The following FRMPD2 variants were observed in gnomAD, a reference collection of about 807,000 sequenced individuals.
FRMPD2 encodes the protein FERM and PDZ domain containing 2, also known as FERM and PDZ domain-containing protein 2.
FRMPD2 carries 96 observed loss-of-function variants against 140.1 expected under a neutral mutation model. The observed-to-expected ratio is 0.69, with a 90% CI of 0.58 to 0.81. FRMPD2 has a LOEUF of 0.81. FRMPD2 is among the 40% of genes least tolerant of loss of function. The probability of loss-of-function intolerance (pLI) is 0.00; values close to 1 mark genes in which losing one functional copy is unlikely to be tolerated. For synonymous variants in FRMPD2, 449 were observed against 547.6 expected (o/e 0.82, Z 2.52); for missense variants, 1,240 against 1,447.4 (o/e 0.86, Z 2.32).
chr10:48,265,409 T>A (rs1840661905), intron 1 of FRMPD2, among the ~76,000 whole-genome samples: 1 of 152,150 alleles, frequency 6.6e-6, no homozygotes, highest in African/African-American at 2.4e-5. Flanking sequence ...CAAAATAAAC[T>A]ATTAGTACAG....
At chr10:48,162,948 T>C (rs1194373931) in intron 28 of FRMPD2, among the ~76,000 whole-genome samples, 1 of 147,428 alleles carries the variant, frequency 6.8e-6, no homozygotes, top group Non-Finnish European at 1.5e-5. Flanking sequence ...AAAGCTGATG[T>C]TGATAATAAA....
intron 12 of FRMPD2, among the ~76,000 whole-genome samples, chr10:48,214,955 A>G (rs1169482395): frequency 1.3e-5 from 2 of 152,250 alleles, no homozygotes; most frequent in East Asian, 1.9e-4. Flanking sequence ...GAAGTTCACA[A>G]CTGTGTAAAA....
chr10:48,191,188 C>T (rs1438937750), intron 16 of FRMPD2, among the ~76,000 whole-genome samples: 2 of 152,124 alleles, frequency 1.3e-5, no homozygotes, highest in Admixed American at 1.3e-4. Context: ...GCTGGAGACC[C>T]CACATGAAGA....
At chr10:48,252,674 C>T (rs1840411985) in intron 1 of FRMPD2, among the ~76,000 whole-genome samples, 1 of 152,156 alleles carries the variant, frequency 6.6e-6, no homozygotes, top group Non-Finnish European at 1.5e-5. Flanking sequence ...CTACCTCTCC[C>T]TGGGGCAGAA....
intron 20 of FRMPD2, among the ~76,000 whole-genome samples, chr10:48,183,499 T>C (rs907261893): frequency 9.2e-5 from 14 of 152,130 alleles, no homozygotes; most frequent in Non-Finnish European, 5.9e-5. Flanking sequence ...CTTTACTCTT[T>C]AGGTTGATCA....
chr10:48,190,399 C>T (rs997252677), intron 16 of FRMPD2, among the ~76,000 whole-genome samples: 17 of 152,184 alleles, frequency 1.1e-4, no homozygotes, highest in Non-Finnish European at 1.5e-5. Context: ...TGGTGTTTGC[C>T]TCCTGTCCTG....
At chr10:48,218,224 C>G (rs2131895213) in intron 12 of FRMPD2, among the ~76,000 whole-genome samples, 1 of 152,268 alleles carries the variant, frequency 6.6e-6, no homozygotes, top group Non-Finnish European at 1.5e-5. Context: ...AAATTAATCA[C>G]CTTTTTAAAG....
intron 14 of FRMPD2, among the ~76,000 whole-genome samples, chr10:48,205,578 A>C (rs1020887255): frequency 6.6e-6 from 1 of 152,236 alleles, no homozygotes; most frequent in Non-Finnish European, 1.5e-5. Context: ...CATTAAACAA[A>C]GTTCTTCATA....
intron 3 of FRMPD2, 110 bp downstream of exon 3, chr10:48,248,911 T>C (rs1840313705): frequency 5.3e-6 from 5 of 937,832 alleles, no homozygotes; most frequent in Non-Finnish European, 7.8e-6. Flanking sequence ...TGGCTTGGTG[T>C]TGAGAACCAA....
rs1013140134 is a variant in FRMPD2 at position 48,223,287 on chromosome 10, G to C, written c.1169-17C>G. 3 of 1,606,736 alleles carry C rather than the reference G, an allele frequency of 1.9e-6. No homozygotes were observed. The African/African-American group carries it at 4.0e-5, about 21-fold the overall frequency. ...ACTCTTTGCCTGAAATGGAAATAGA[G>C]CATGTGTGGAAGGAGAAGCAGTAGG... On this transcript the variant is annotated splice_polypyrimidine_tract_variant and intron_variant, in intron 10 of 28. Transcript: ENST00000374201.
intron 13 of FRMPD2, among the ~76,000 whole-genome samples, chr10:48,208,828 G>C (rs1158285658): frequency 1.3e-5 from 2 of 152,162 alleles, no homozygotes; most frequent in Non-Finnish European, 2.9e-5. Context: ...CCTTACAACA[G>C]GTAGCAAAGT....
At chr10:48,219,270 G>A (rs923596171) in intron 12 of FRMPD2, among the ~76,000 whole-genome samples, 1 of 148,566 alleles carries the variant, frequency 6.7e-6, no homozygotes, top group East Asian at 1.9e-4. Context: ...CCTCCTTCAT[G>A]CAGTCCTCTT....
chr10:48,240,477 C>T lies in FRMPD2; in HGVS notation c.583G>A (p.Val195Met). 6.2e-7 allele frequency: 1 copy of T among 1,613,820 alleles called. No homozygotes were observed. Among genetic ancestry groups the T allele is most frequent in the Non-Finnish European group, 8.5e-7 (1 of 1,180,016 alleles). The stretch of plus-strand genomic sequence containing the variant: ...TGCTGCACAGAGGAGCTTTCCTCCA[C>T]AACTCTTTTCTCCACCTGGGGGTCA... ...GTISEVEKRV[V>M]EESSSVQQNR... The change falls in exon 6 of 29, where the codon GTG becomes ATG. Residue 195 changes from valine (V) to methionine (M), a missense_variant. Around this residue, in one of 6 missense-constraint regions of FRMPD2, gnomAD observed 1,161 missense variants for 1,055.9 expected, o/e 1.10. Coordinates refer to ENST00000374201, the MANE Select transcript of FRMPD2 (RefSeq NM_001018071.4).
At chr10:48,163,231 A>G (rs1837990768) in intron 28 of FRMPD2, 97 bp downstream of exon 28, 3 of 722,058 alleles carry the variant, frequency 4.2e-6, no homozygotes, top group Non-Finnish European at 7.7e-6. Flanking sequence ...GCTGGGCACA[A>G]AATCATCCAA....
chr10:48,246,871 G>T (rs1163706863), intron 3 of FRMPD2, among the ~76,000 whole-genome samples: 1 of 152,224 alleles, frequency 6.6e-6, no homozygotes, highest in Non-Finnish European at 1.5e-5. Flanking sequence ...TGTTAGAGAT[G>T]CTGAAAGAGA....
intron 14 of FRMPD2, among the ~76,000 whole-genome samples, chr10:48,203,106 A>T (rs780180053): frequency 4.6e-5 from 7 of 152,174 alleles, no homozygotes; most frequent in Non-Finnish European, 8.8e-5. Flanking sequence ...AGAATAAATC[A>T]CTTTTTAAAA....
At chr10:48,195,484 G>C (rs1265307286) in intron 15 of FRMPD2, among the ~76,000 whole-genome samples, 1 of 152,114 alleles carries the variant, frequency 6.6e-6, no homozygotes, top group African/African-American at 2.4e-5. Flanking sequence ...ACCTTCAAAT[G>C]AACAAAGATA....
rs185908816 is a variant in FRMPD2, at chr10:48,268,888, G to C, written c.25+5655C>G. Among the ~76,000 whole-genome samples the C allele has an allele frequency of 9.7e-4, 147 of 152,290 alleles. 3 individuals are homozygous for C. Among genetic ancestry groups the C allele is most frequent in the Non-Finnish European group, 3.7e-4 (25 of 68,020 alleles). On this transcript the variant is annotated intron_variant, in intron 1 of 28. Coordinates refer to ENST00000374201, the MANE Select transcript of FRMPD2 (RefSeq NM_001018071.4). Reference sequence around the variant, plus strand: ...GTAGTTAGGTAAGATATAATCACTGGGGGACACTGGAGGAAGAGTATAGGG... The same window carrying C: ...GTAGTTAGGTAAGATATAATCACTGCGGGACACTGGAGGAAGAGTATAGGG...
At chr10:48,174,584 T>C (rs1448164243) in intron 24 of FRMPD2, among the ~76,000 whole-genome samples, 1 of 151,186 alleles carries the variant, frequency 6.6e-6, no homozygotes, top group South Asian at 2.1e-4. Context: ...ATCTTCTCCA[T>C]TCCGCTGTCT....
Sources: allele counts gnomAD v4.1 joint callset (sites outside exome capture counted in the v4.1 genomes callset), GRCh38; gene constraint gnomAD v4.1.1; regional missense constraint gnomAD v4.1.1; transcripts MANE v1.5; gene names NCBI Gene and HGNC (gene_info 2026-07-23, HGNC 2026-07-21).